The following SUGCT variants were observed in gnomAD, a reference collection of about 807,000 sequenced individuals.
SUGCT encodes the protein succinyl-CoA:glutarate-CoA transferase, also known as succinyl-CoA:glutarate CoA-transferase.
A neutral mutation model predicts 55.0 loss-of-function variants in SUGCT; 41 were observed. The observed-to-expected ratio is 0.74, with a 90% CI of 0.58 to 0.97. SUGCT has a LOEUF of 0.97. SUGCT is among the 50% of genes least tolerant of loss of function. The pLI is 0.00. For missense variants in SUGCT, 568 were observed against 547.8 expected (o/e 1.04, Z -0.37); for synonymous variants, 187 against 200.4 (o/e 0.93, Z 0.56).
At chr7:40,195,139 C>A in intron 6 of SUGCT, 79 bp downstream of exon 6, 1 of 1,296,610 alleles carries the variant, frequency 7.7e-7, no homozygotes, top group Admixed American at 3.0e-5. Context: ...AAACCTTTTG[C>A]TGGCTTTTTT....
intron 9 of SUGCT, among the ~76,000 whole-genome samples, chr7:40,330,977 T>G (rs1337767560): frequency 6.6e-6 from 1 of 152,174 alleles, no homozygotes; most frequent in Non-Finnish European, 1.5e-5. Context: ...ATTTAGATAA[T>G]TTTTTGACTT....
At chr7:40,699,934 G>A (rs1479604650) in intron 12 of SUGCT, among the ~76,000 whole-genome samples, 1 of 152,194 alleles carries the variant, frequency 6.6e-6, no homozygotes, top group Non-Finnish European at 1.5e-5. Flanking sequence ...GGCAGCATCA[G>A]AATCAGAACC....
At chr7:40,715,025 G>T (rs1315596330) in intron 12 of SUGCT, among the ~76,000 whole-genome samples, 1 of 152,118 alleles carries the variant, frequency 6.6e-6, no homozygotes, top group East Asian at 1.9e-4. Context: ...AGTGAATGTG[G>T]CTTCTCTGCC....
chr7:40,546,506 T>C (rs1017786550), intron 12 of SUGCT, among the ~76,000 whole-genome samples: 5 of 152,224 alleles, frequency 3.3e-5, no homozygotes, highest in African/African-American at 9.6e-5. Flanking sequence ...TAATGTATTA[T>C]TTATTGAGCA....
At chr7:40,414,778 C>T (rs1786878711) in intron 9 of SUGCT, among the ~76,000 whole-genome samples, 1 of 151,988 alleles carries the variant, frequency 6.6e-6, no homozygotes, top group Non-Finnish European at 1.5e-5. Flanking sequence ...CGCGGTGGCT[C>T]ATGCCTGTAA....
At chr7:40,662,114 C>T (rs935665623) in intron 12 of SUGCT, among the ~76,000 whole-genome samples, 3 of 152,230 alleles carry the variant, frequency 2.0e-5, no homozygotes, top group African/African-American at 4.8e-5. Context: ...ATGGTGCCAT[C>T]AAAGGCCTAC....
At chr7:40,265,655 A>G (rs571676813) in intron 7 of SUGCT, among the ~76,000 whole-genome samples, 1 of 152,132 alleles carries the variant, frequency 6.6e-6, no homozygotes, top group Non-Finnish European at 1.5e-5. Context: ...AAAGGAAACA[A>G]ACAAAAAAAA....
chr7:40,900,900 G>A, the SUGCT span, among the ~76,000 whole-genome samples: 6 of 152,294 alleles, frequency 3.9e-5, no homozygotes, highest in South Asian at 8.3e-4. Flanking sequence ...TCAAAAGCAC[G>A]TGCAATTCAA....
At chr7:40,467,484 G>C (rs988404910) in intron 11 of SUGCT, among the ~76,000 whole-genome samples, 6 of 152,096 alleles carry the variant, frequency 3.9e-5, no homozygotes, top group Non-Finnish European at 8.8e-5. Context: ...AATGTACAGT[G>C]AAATTATATT....
the SUGCT span, among the ~76,000 whole-genome samples, chr7:40,974,727 C>T: frequency 1.3e-5 from 2 of 152,208 alleles, no homozygotes; most frequent in Non-Finnish European, 2.9e-5. Flanking sequence ...AGTAGCATTT[C>T]ACCCTCACTG....
chr7:41,011,583 C>A, the SUGCT span, among the ~76,000 whole-genome samples: 1 of 152,160 alleles, frequency 6.6e-6, no homozygotes. Flanking sequence ...AACAATATTT[C>A]CCAAGTGTTT....
intron 7 of SUGCT, among the ~76,000 whole-genome samples, chr7:40,261,623 A>G (rs961465720): frequency 1.3e-5 from 2 of 152,212 alleles, no homozygotes; most frequent in Non-Finnish European, 2.9e-5. Flanking sequence ...ATACTTAAAG[A>G]GAGGTATGAG....
intron 9 of SUGCT, among the ~76,000 whole-genome samples, chr7:40,440,145 GTTTTTTTTTTTTTTTTT>G (rs138984553): frequency 1.5e-5 from 1 of 68,438 alleles, no homozygotes. Flanking sequence ...GTGTGTGTGT[GTTTTTTTTTTTTTTTTT>G]TTTTTTTTTT....
At chr7:40,746,605 A>T (rs1272262734) in intron 12 of SUGCT, among the ~76,000 whole-genome samples, 1 of 152,228 alleles carries the variant, frequency 6.6e-6, no homozygotes, top group Non-Finnish European at 1.5e-5. Flanking sequence ...TTAAAGTGTC[A>T]TACTGAAAAT....
At chr7:40,203,638 G>C (rs1226746547) in intron 6 of SUGCT, among the ~76,000 whole-genome samples, 1 of 151,960 alleles carries the variant, frequency 6.6e-6, no homozygotes, top group African/African-American at 2.4e-5. Flanking sequence ...AGCTGGGTGT[G>C]GTGGTGCACG....
the SUGCT span, among the ~76,000 whole-genome samples, chr7:40,904,502 A>G: frequency 1.3e-5 from 2 of 152,352 alleles, no homozygotes; most frequent in East Asian, 3.9e-4. Context: ...ATTCATAGTG[A>G]CAGAAAGTAG....
chr7:40,145,483 C>T (rs190798919), intron 1 of SUGCT, among the ~76,000 whole-genome samples: 23 of 151,368 alleles, frequency 1.5e-4, no homozygotes, highest in Non-Finnish European at 2.8e-4. Flanking sequence ...ATATAACATT[C>T]GTTTTTACAT....
rs568129810 is a variant in SUGCT, at chr7:40,184,721, C to T, written c.226+2693C>T. On this transcript the variant is annotated intron_variant, in intron 3 of 13. Coordinates refer to ENST00000335693, the MANE Select transcript of SUGCT (RefSeq NM_001193313.2). ...GATCCTACGGGTCTTAAACAGAATC[C>T]CCAAATCAGTGAGACTGGTATAGTG... is the stretch of plus-strand genomic sequence containing the variant. Among the ~76,000 whole-genome samples, 3 of 152,162 alleles carry T rather than the reference C, an allele frequency of 2.0e-5. No individual in the cohort carries two copies. In the East Asian group the frequency reaches 5.8e-4, roughly 29 times the overall value.
At chr7:40,365,483 G>A (rs2151235071) in intron 9 of SUGCT, among the ~76,000 whole-genome samples, 1 of 152,222 alleles carries the variant, frequency 6.6e-6, no homozygotes, top group Middle Eastern at 3.4e-3. Flanking sequence ...GTCCCTGTTT[G>A]CAGATGACAT....
Sources: allele counts gnomAD v4.1 joint callset (sites outside exome capture counted in the v4.1 genomes callset), GRCh38; gene constraint gnomAD v4.1.1; transcripts MANE v1.5; gene names NCBI Gene and HGNC (gene_info 2026-07-23, HGNC 2026-07-21).